The following MED26 variants were observed in gnomAD, a reference collection of about 807,000 sequenced individuals.
MED26 encodes mediator complex subunit 26, also known as mediator of RNA polymerase II transcription subunit 26.
In MED26, 7 loss-of-function variants were observed where a neutral mutation model predicts 43.7. That is an observed-to-expected ratio of 0.16 (90% CI 0.09 to 0.30). MED26 has a LOEUF of 0.30. MED26 is among the 10% of genes least tolerant of loss of function. The pLI is 1.00. For synonymous variants in MED26, 375 were observed against 371.1 expected (o/e 1.01, Z -0.12); for missense variants, 784 against 840.6 (o/e 0.93, Z 0.83).
At chr19:16,585,735 C>T (rs16981316) in intron 1 of MED26, among the ~76,000 whole-genome samples, 5,760 of 152,278 alleles carry the variant, frequency 0.038, 252 homozygotes, top group African/African-American at 0.09. Context: ...TCTGAAAACC[C>T]ACCTACGACA....
At chr19:16,581,285 A>G (rs2086044337) in intron 1 of MED26, among the ~76,000 whole-genome samples, 1 of 152,194 alleles carries the variant, frequency 6.6e-6, no homozygotes, top group Admixed American at 6.5e-5. Flanking sequence ...GACGGGTGAT[A>G]TGAGGGGAGA....
chr19:16,602,020 C>T (rs1452062501), intron 1 of MED26, among the ~76,000 whole-genome samples: 1 of 152,168 alleles, frequency 6.6e-6, no homozygotes, highest in Admixed American at 6.5e-5. Flanking sequence ...GCCCACCACT[C>T]GGCTGTGTGC....
intron 1 of MED26, among the ~76,000 whole-genome samples, chr19:16,612,538 G>A (rs1039292313): frequency 2.6e-5 from 4 of 152,038 alleles, no homozygotes; most frequent in South Asian, 2.1e-4. Context: ...CTCCCACCTC[G>A]GTCTCCCAAA....
intron 1 of MED26, among the ~76,000 whole-genome samples, chr19:16,579,103 AAATAAT>A (rs1013915076): frequency 3.3e-5 from 5 of 151,866 alleles, no homozygotes; most frequent in East Asian, 1.9e-4. Context: ...TCCGTGTAAA[AAATAAT>A]AATAATAATA....
intron 1 of MED26, among the ~76,000 whole-genome samples, chr19:16,624,844 G>A (rs2086267089): frequency 6.6e-6 from 1 of 152,204 alleles, no homozygotes; most frequent in Non-Finnish European, 1.5e-5. Flanking sequence ...TAAGCAGCAG[G>A]TAGAAAGTGT....
At chr19:16,596,623 A>G (rs1014223345) in intron 1 of MED26, among the ~76,000 whole-genome samples, 3 of 152,198 alleles carry the variant, frequency 2.0e-5, no homozygotes, top group Non-Finnish European at 2.9e-5. Context: ...CTTCAGGAAC[A>G]TGCTGGCACA....
At chr19:16,624,468 T>G (rs2086264847) in intron 1 of MED26, 1 of 152,240 alleles carries the variant, frequency 6.6e-6, no homozygotes. Context: ...AAGTCCCTCT[T>G]TGCTGCGGGA....
chr19:16,617,144 T>C (rs1051535568), intron 1 of MED26, among the ~76,000 whole-genome samples: 23 of 152,148 alleles, frequency 1.5e-4, no homozygotes, highest in Non-Finnish European at 1.8e-4. Context: ...CCCTAACTCC[T>C]TGTTGGGCTG....
At chr19:16,581,751 G>A (rs1454268648) in intron 1 of MED26, among the ~76,000 whole-genome samples, 1 of 152,242 alleles carries the variant, frequency 6.6e-6, no homozygotes, top group East Asian at 1.9e-4. Context: ...AGGCGAAGGT[G>A]TGAGGGCCCT....
intron 1 of MED26, among the ~76,000 whole-genome samples, chr19:16,622,131 T>C (rs955384864): frequency 6.6e-6 from 1 of 152,226 alleles, no homozygotes; most frequent in Non-Finnish European, 1.5e-5. Flanking sequence ...GATGATAGAA[T>C]ATACTTAAGA....
At chr19:16,593,780 C>T (rs1008079617) in intron 1 of MED26, among the ~76,000 whole-genome samples, 8 of 152,182 alleles carry the variant, frequency 5.3e-5, no homozygotes, top group Non-Finnish European at 7.3e-5. Flanking sequence ...AGGGTGCCAT[C>T]TCTGAGTGGG....
At chr19:16,603,012 A>G (rs148206405) in intron 1 of MED26, among the ~76,000 whole-genome samples, 55 of 152,306 alleles carry the variant, frequency 3.6e-4, no homozygotes, top group African/African-American at 1.3e-3. Flanking sequence ...AATTAAAACA[A>G]AAACAAAAAC....
At chr19:16,578,445 CCTT>C (rs1184972357) in intron 1 of MED26, 36 bp from the exon 2 acceptor site, 10 of 1,597,682 alleles carry the variant, frequency 6.3e-6, no homozygotes, top group Non-Finnish European at 8.6e-6. Context: ...AGGTCCCTGT[CCTT>C]CTCCACTGGG....
intron 1 of MED26, among the ~76,000 whole-genome samples, chr19:16,627,227 T>C (rs2086282559): frequency 6.6e-6 from 1 of 151,892 alleles, no homozygotes; most frequent in East Asian, 1.9e-4. Context: ...GATCCCACCC[T>C]CCCCGAGATC....
intron 1 of MED26, chr19:16,610,326 G>A (rs2086194188): frequency 6.6e-6 from 1 of 151,086 alleles, no homozygotes; most frequent in South Asian, 2.1e-4. Context: ...TAATCATAAT[G>A]TTATTCAACA....
chr19:16,589,168 C>T (rs1016925494), intron 1 of MED26: 1 of 152,222 alleles, frequency 6.6e-6, no homozygotes, highest in African/African-American at 2.4e-5. Context: ...GGAGTGGGCA[C>T]AGGGGCCTTC....
At chr19:16,596,399 T>C (rs2086120129) in intron 1 of MED26, among the ~76,000 whole-genome samples, 1 of 152,346 alleles carries the variant, frequency 6.6e-6, no homozygotes, top group South Asian at 2.1e-4. Context: ...AGAGAGGATC[T>C]GGCACAGACA....
At chr19:16,622,552 C>A (rs555517666) in intron 1 of MED26, among the ~76,000 whole-genome samples, 1 of 152,206 alleles carries the variant, frequency 6.6e-6, no homozygotes, top group Non-Finnish European at 1.5e-5. Context: ...CAAATCCACA[C>A]CCTGCTCTAA....
chr19:16,577,299 T>C lies in MED26; in HGVS notation c.531A>G (p.Ser177=), dbSNP rs754859528. 4 of 1,610,764 alleles carry C rather than the reference T, an allele frequency of 2.5e-6. No homozygotes were observed. Among genetic ancestry groups the C allele is most frequent in the Non-Finnish European group, 3.4e-6 (4 of 1,178,360 alleles). Residue 177 remains serine (S), a synonymous_variant, in exon 3 of 3, where the codon TCA becomes TCG. Coordinates refer to ENST00000263390, the MANE Select transcript of MED26 (RefSeq NM_004831.5). The surrounding 1 kb of genome is among the most constrained non-coding windows in gnomAD (Gnocchi z 8.1). ...KASHDPLVPN[S]SPLPTNGISG... is the part of the protein sequence containing the mutation. Reference sequence around the variant, plus strand: ...TGATCCCGTTGGTGGGGAGGGGGGATGAGTTGGGGACCAGGGGGTCGTGGC... The same window carrying C: ...TGATCCCGTTGGTGGGGAGGGGGGACGAGTTGGGGACCAGGGGGTCGTGGC...
Sources: gnomAD v4.1 joint callset for allele counts (sites outside exome capture counted in the v4.1 genomes callset) on GRCh38, gnomAD v4.1.1 for gene constraint, Gnocchi (gnomAD v3.1) non-coding constraint, MANE v1.5 for transcripts, NCBI Gene and HGNC (gene_info 2026-07-23, HGNC 2026-07-21) for gene names.